The following PLAC1 variants were observed in gnomAD, a reference collection of about 807,000 sequenced individuals.
PLAC1 encodes the protein placenta-specific protein 1.
For synonymous variants in PLAC1, 68 were observed against 62.1 expected, an observed-to-expected ratio of 1.09 and a Z score of -0.44; for missense variants, 136 against 163.2, an observed-to-expected ratio of 0.83 and a Z score of 0.91.
At chrX:134,675,521 C>T (rs2078470750) in intron 2 of PLAC1, among the ~76,000 whole-genome samples, 1 of 111,807 alleles carries the variant, frequency 8.9e-6, no homozygotes, top group Non-Finnish European at 1.9e-5. Flanking sequence ...CAAAATTAGC[C>T]GGGCCTGGTG....
chrX:134,618,993 GAC>G (rs2124405790), intron 1 of PLAC1, among the ~76,000 whole-genome samples: 1 of 112,236 alleles, frequency 8.9e-6, no homozygotes, highest in Non-Finnish European at 1.9e-5. Flanking sequence ...CTGCAAATAC[GAC>G]AGAGAAAAAG....
rs1020364213 is a variant in PLAC1 at position 134,711,179 on chromosome X, A to G, written n.174+22256T>C. Reference sequence around the variant, plus strand: ...CCTGCAATTTGATTAAGTTACCACCACTTTGACAGAATGATAGTCTTCCCT... The same window carrying G: ...CCTGCAATTTGATTAAGTTACCACCGCTTTGACAGAATGATAGTCTTCCCT... On this transcript the variant is annotated intron_variant and non_coding_transcript_variant, in intron 2 of 2. Transcript: ENST00000466797. Among the ~76,000 whole-genome samples, 4 of 111,986 alleles carry G rather than the reference A, an allele frequency of 3.6e-5. No individual in the cohort carries two copies. In the Admixed American group the frequency reaches 3.8e-4, roughly 11 times the overall value.
rs190553418 is a variant in PLAC1, at chrX:134,581,261, G to A, written c.-58-14521C>T. ...TAGTGCCATGTTGGAAACAACCAGA[G>A]CTAGGCAGCCCTAGTTCCCTGGCAT... On this transcript the variant is annotated intron_variant, in intron 2 of 2. Transcript: ENST00000359237. Among the ~76,000 whole-genome samples, 6 of 110,928 alleles carry A rather than the reference G, an allele frequency of 5.4e-5. No individual in the cohort carries two copies. In the East Asian group the frequency reaches 1.7e-3, roughly 31 times the overall value.
chrX:134,693,772 G>T (rs2078552509), intron 2 of PLAC1, among the ~76,000 whole-genome samples: 1 of 111,658 alleles, frequency 9.0e-6, no homozygotes, highest in Non-Finnish European at 1.9e-5. Context: ...AACAAGTTTT[G>T]CCCTGGAGTT....
chrX:134,633,274 G>A (rs900294087), intron 1 of PLAC1, among the ~76,000 whole-genome samples: 5 of 111,781 alleles, frequency 4.5e-5, no homozygotes, highest in Admixed American at 2.8e-4. Flanking sequence ...TGCTCTTAGG[G>A]TTATCAGGAA....
chrX:134,648,396 T>C lies in PLAC1; in HGVS notation c.-131+9932A>G, dbSNP rs73566659. 3.4e-3 allele frequency among the ~76,000 whole-genome samples: 380 copies of C among 111,761 alleles called. 1 individual carries two copies. The highest frequency in any genetic ancestry group is 0.012 in the African/African-American group (359 of 30,797). On this transcript the variant is annotated intron_variant, in intron 1 of 2. Transcript: ENST00000359237. The stretch of plus-strand genomic sequence containing the variant: ...ATACCAATGCCTTTTAAAAAAACAT[T>C]TAAAAAACGTGGAGGCTGGGTGCTC...
intron 1 of PLAC1, among the ~76,000 whole-genome samples, chrX:134,602,339 G>A (rs747510149): frequency 8.9e-5 from 10 of 112,024 alleles, no homozygotes; most frequent in African/African-American, 1.9e-4. Context: ...CAGCATTTGA[G>A]CAAACCTTCC....
chrX:134,581,496 T>TTTTGTTTGG (rs2077974472), intron 2 of PLAC1, among the ~76,000 whole-genome samples: 1 of 97,311 alleles, frequency 1.0e-5, no homozygotes. Context: ...TTTTTTTTTT[T>TTTTGTTTGG]GAGTTGGAGT....
intron 1 of PLAC1, among the ~76,000 whole-genome samples, chrX:134,653,493 A>G (rs2078374182): frequency 8.9e-6 from 1 of 112,014 alleles, no homozygotes; most frequent in Non-Finnish European, 1.9e-5. Context: ...TGACAAGCCA[A>G]TGCAGTCCTC....
rs186803235 is a variant in PLAC1, at chrX:134,594,147, C to T, written c.-59+7904G>A. On this transcript the variant is annotated intron_variant, in intron 2 of 2. Transcript: ENST00000359237. ...CTGAATTTTGTCATTTTTTTGGCAT[C>T]AAATGATATAATCATGTGATTTTTC... is the stretch of plus-strand genomic sequence containing the variant. 3.7e-3 allele frequency among the ~76,000 whole-genome samples: 414 copies of T among 111,602 alleles called. 1 individual carries two copies. The highest frequency in any genetic ancestry group is 0.013 in the African/African-American group (389 of 30,768).
At chrX:134,607,549 C>A in intron 1 of PLAC1, 1 of 178,146 alleles carries the variant, frequency 5.6e-6, no homozygotes, top group South Asian at 1.4e-4. Flanking sequence ...CCAGCCCGCT[C>A]CACCCAGAGA....
chrX:134,603,650 T>A (rs1175677188), intron 1 of PLAC1, among the ~76,000 whole-genome samples: 1 of 109,279 alleles, frequency 9.2e-6, no homozygotes, highest in African/African-American at 3.3e-5. Context: ...TTGATATTTT[T>A]AAACCATGCT....
intron 2 of PLAC1, among the ~76,000 whole-genome samples, chrX:134,709,540 C>T (rs190385354): frequency 1.8e-5 from 2 of 111,064 alleles, no homozygotes; most frequent in Admixed American, 9.6e-5. Flanking sequence ...GCAGGAGAAT[C>T]GCTTGAACCC....
intron 1 of PLAC1, among the ~76,000 whole-genome samples, chrX:134,737,970 A>G (rs776570823): frequency 1.5e-3 from 173 of 111,824 alleles, no homozygotes; most frequent in Non-Finnish European, 2.4e-3. Context: ...ATGCAATCAC[A>G]GAGGGAGGAA....
exon 1 of PLAC1, chrX:134,764,241 T>A (rs1441185027): frequency 1.8e-5 from 2 of 112,199 alleles, no homozygotes; most frequent in Non-Finnish European, 3.8e-5. Context: ...TACCAAAGGG[T>A]GGCACTCCTT....
At chrX:134,574,677 C>T (rs1429429050) in intron 2 of PLAC1, among the ~76,000 whole-genome samples, 2 of 111,735 alleles carry the variant, frequency 1.8e-5, no homozygotes, top group South Asian at 3.7e-4. Flanking sequence ...TGTGATAAGT[C>T]GTCCTCTGGA....
At chrX:134,652,409 T>C (rs1387210663) in intron 1 of PLAC1, among the ~76,000 whole-genome samples, 1 of 112,214 alleles carries the variant, frequency 8.9e-6, no homozygotes, top group Non-Finnish European at 1.9e-5. Flanking sequence ...ATTTCTGTTC[T>C]CTGGTTCTAC....
intron 2 of PLAC1, among the ~76,000 whole-genome samples, chrX:134,600,614 G>T (rs189536326): frequency 1.0e-3 from 114 of 110,050 alleles, no homozygotes; most frequent in African/African-American, 3.5e-3. Flanking sequence ...TCAGCCCACC[G>T]CACTCTAGCA....
chrX:134,737,533 C>T (rs1325643744), intron 1 of PLAC1, among the ~76,000 whole-genome samples: 2 of 112,744 alleles, frequency 1.8e-5, no homozygotes, highest in Admixed American at 1.9e-4. Flanking sequence ...AACATTCAGG[C>T]ACACACATTT....
Sources: allele counts gnomAD v4.1 joint callset (sites outside exome capture counted in the v4.1 genomes callset), GRCh38; gene constraint gnomAD v4.1.1; transcripts MANE v1.5; gene names NCBI Gene and HGNC (gene_info 2026-07-23, HGNC 2026-07-21).